The following TRHDE variants were observed in gnomAD, a reference collection of about 807,000 sequenced individuals.
TRHDE encodes thyrotropin releasing hormone degrading enzyme.
A neutral mutation model predicts 125.7 loss-of-function variants in TRHDE; 72 were observed. That is an observed-to-expected ratio of 0.57 (90% CI 0.47 to 0.70). The LOEUF (loss-of-function observed/expected upper bound fraction) is 0.70. TRHDE is among the 30% of genes least tolerant of loss of function. The pLI is 0.00. For synonymous variants in TRHDE, 509 were observed against 509.1 expected, an observed-to-expected ratio of 1.00 and a Z score of 0.00; for missense variants, 1,110 against 1,327.1, an observed-to-expected ratio of 0.84 and a Z score of 2.54.
intron 2 of TRHDE, among the ~76,000 whole-genome samples, chr12:72,301,119 A>T (rs1172716762): frequency 1.3e-5 from 2 of 152,126 alleles, no homozygotes; most frequent in African/African-American, 2.4e-5. Context: ...AGAAATACGG[A>T]GTTCTATTTT....
At chr12:72,098,396 A>G (rs1240868481) in intron 1 of TRHDE, among the ~76,000 whole-genome samples, 1 of 152,050 alleles carries the variant, frequency 6.6e-6, no homozygotes, top group East Asian at 1.9e-4. Context: ...GATGCAGTCA[A>G]TCTGGATGAC....
intron 12 of TRHDE, among the ~76,000 whole-genome samples, chr12:72,590,404 A>G (rs1408391197): frequency 2.0e-5 from 3 of 152,164 alleles, no homozygotes; most frequent in African/African-American, 7.2e-5. Context: ...TGATATTTTG[A>G]CTAGTATTAT....
At chr12:72,558,594 C>T (rs1288398171) in intron 7 of TRHDE, among the ~76,000 whole-genome samples, 3 of 152,098 alleles carry the variant, frequency 2.0e-5, no homozygotes, top group Non-Finnish European at 4.4e-5. Flanking sequence ...AATATTCTGG[C>T]TTTGTGGGAG....
At chr12:72,530,218 T>C (rs1213866247) in intron 6 of TRHDE, among the ~76,000 whole-genome samples, 1 of 152,096 alleles carries the variant, frequency 6.6e-6, no homozygotes, top group African/African-American at 2.4e-5. Context: ...AAAGCCTGAT[T>C]TCTCTCTTCT....
intron 2 of TRHDE, among the ~76,000 whole-genome samples, chr12:72,122,289 C>T (rs1424775338): frequency 6.6e-6 from 1 of 152,176 alleles, no homozygotes; most frequent in Non-Finnish European, 1.5e-5. Context: ...CTGTGTCATT[C>T]ATCATGTTTC....
In TRHDE at chr12:72,573,190, A is replaced by G. The variant is rs78209631; in HGVS notation, c.2132-2065A>G. Among the ~76,000 whole-genome samples the G allele has an allele frequency of 2.8e-3, 418 of 151,998 alleles. 3 individuals are homozygous for G. The highest frequency in any genetic ancestry group is 9.8e-3 in the African/African-American group (407 of 41,554). On this transcript the variant is annotated intron_variant, in intron 10 of 18. Coordinates refer to ENST00000261180, the MANE Select transcript of TRHDE (RefSeq NM_013381.3). Reference sequence around the variant, plus strand: ...CAACATTCTCAATATTTAAGTTTCAATTTTCATTCACCGAATTCAGACATT... The same window carrying G: ...CAACATTCTCAATATTTAAGTTTCAGTTTTCATTCACCGAATTCAGACATT...
chr12:72,652,673 A>G (rs1874552827), intron 16 of TRHDE, among the ~76,000 whole-genome samples, 184 bp downstream of exon 16: 1 of 145,494 alleles, frequency 6.9e-6, no homozygotes, highest in Non-Finnish European at 1.5e-5. Flanking sequence ...ATATCTTTTT[A>G]TGAGTATTTA....
At chr12:72,469,687 C>CT in intron 3 of TRHDE, 71 bp from the exon 4 acceptor site, 1 of 1,524,604 alleles carries the variant, frequency 6.6e-7, no homozygotes, top group South Asian at 1.2e-5. Context: ...TTTCTGGACA[C>CT]TTTTTAGGAT....
At chr12:72,598,991 T>G (rs1178578385) in intron 12 of TRHDE, among the ~76,000 whole-genome samples, 1 of 152,176 alleles carries the variant, frequency 6.6e-6, no homozygotes, top group Non-Finnish European at 1.5e-5. Context: ...GTATTTCCTT[T>G]TCTGTTCCTG....
At chr12:72,487,756 C>T (rs900537833) in intron 5 of TRHDE, among the ~76,000 whole-genome samples, 15 of 151,992 alleles carry the variant, frequency 9.9e-5, no homozygotes, top group South Asian at 4.2e-4. Context: ...AACATAGTGA[C>T]GGTGATATAT....
In TRHDE at chr12:72,663,384, T is replaced by C. The variant is rs1164516217; in HGVS notation, c.*189T>C. 8.9e-6 allele frequency: 4 copies of C among 448,212 alleles called. No individual in the cohort carries two copies. The highest frequency in any genetic ancestry group is 1.2e-5 in the Non-Finnish European group (3 of 256,234). 27.8% of individuals were successfully genotyped at this position (448,212 alleles called of 1,614,324 possible). On this transcript the variant is annotated 3_prime_UTR_variant, in exon 19 of 19. Coordinates refer to ENST00000261180, the MANE Select transcript of TRHDE (RefSeq NM_013381.3). ...TTTTTATTTGTTTCATTCATTCTGT[T>C]CTGTTTCTCTACTGGGTGTTCCTCT...
intron 2 of TRHDE, chr12:72,262,522 T>C (rs1467558395): frequency 2.0e-5 from 3 of 152,188 alleles, no homozygotes; most frequent in East Asian, 1.9e-4. Flanking sequence ...CAAAGAGCCA[T>C]TGGTGCATTT....
intron 1 of TRHDE, among the ~76,000 whole-genome samples, chr12:72,277,903 T>G (rs1046960790): frequency 4.5e-4 from 68 of 152,178 alleles, no homozygotes; most frequent in Admixed American, 4.5e-3. Flanking sequence ...ACAAATGTAG[T>G]TAATTAACAA....
At chr12:72,658,886 C>T (rs1381130358) in intron 18 of TRHDE, among the ~76,000 whole-genome samples, 1 of 152,156 alleles carries the variant, frequency 6.6e-6, no homozygotes, top group Non-Finnish European at 1.5e-5. Flanking sequence ...CTTTTGAATA[C>T]TTACATCATC....
chr12:72,187,334 C>T (rs1877240062), intron 2 of TRHDE, among the ~76,000 whole-genome samples: 1 of 145,378 alleles, frequency 6.9e-6, no homozygotes, highest in South Asian at 2.2e-4. Context: ...CACACACACA[C>T]ACACACACAC....
At chr12:72,659,459 T>C (rs1436206020) in intron 18 of TRHDE, among the ~76,000 whole-genome samples, 2 of 152,324 alleles carry the variant, frequency 1.3e-5, no homozygotes, top group Non-Finnish European at 2.9e-5. Flanking sequence ...ACATAGATCC[T>C]ATGCATCAAA....
intron 6 of TRHDE, among the ~76,000 whole-genome samples, chr12:72,514,832 CTGTGTCCA>C (rs1878764968): frequency 7.5e-6 from 1 of 133,142 alleles, no homozygotes; most frequent in African/African-American, 2.9e-5. Flanking sequence ...GTTCCCCTTC[CTGTGTCCA>C]TGTGTTCTCA....
At chr12:72,113,399 T>C (rs1875367153) in intron 2 of TRHDE, among the ~76,000 whole-genome samples, 1 of 151,390 alleles carries the variant, frequency 6.6e-6, no homozygotes, top group South Asian at 2.1e-4. Flanking sequence ...CCGAGGTGCA[T>C]AGATCACTTG....
intron 2 of TRHDE, among the ~76,000 whole-genome samples, chr12:72,155,762 C>G (rs1454347022): frequency 6.6e-6 from 1 of 152,170 alleles, no homozygotes; most frequent in Non-Finnish European, 1.5e-5. Context: ...AGTTTTGTCT[C>G]AGAGGAGTAC....
Sources: allele counts gnomAD v4.1 joint callset (sites outside exome capture counted in the v4.1 genomes callset), GRCh38; gene constraint gnomAD v4.1.1; transcripts MANE v1.5; gene names NCBI Gene and HGNC (gene_info 2026-07-23, HGNC 2026-07-21).